ANK3: variants seen among roughly 807,000 people sequenced by gnomAD.
ANK3 encodes ankyrin-3.
ANK3 carries 57 observed loss-of-function variants against 370.9 expected under a neutral mutation model. That is an observed-to-expected ratio of 0.15 (90% CI 0.12 to 0.19). The LOEUF (loss-of-function observed/expected upper bound fraction) is 0.19. Ranked by LOEUF, ANK3 falls within the 10% of genes least tolerant of loss-of-function variation. The pLI is 1.00. For missense variants in ANK3, 4,439 were observed against 5,302.1 expected (o/e 0.84, Z 5.06); for synonymous variants, 1,929 against 1,946.3 (o/e 0.99, Z 0.23).
At chr10:60,377,027 T>C (rs1044986815) in intron 1 of ANK3, among the ~76,000 whole-genome samples, 2 of 152,250 alleles carry the variant, frequency 1.3e-5, no homozygotes, top group African/African-American at 2.4e-5. Context: ...CGGGCAGCAC[T>C]TTTAAACATC....
At chr10:60,140,045 T>C (rs2094496912) in intron 23 of ANK3, 2 of 441,072 alleles carry the variant, frequency 4.5e-6, no homozygotes, top group Non-Finnish European at 8.0e-6. Context: ...TGTTGTGTTT[T>C]CTCAAAGGTA....
intron 8 of ANK3, among the ~76,000 whole-genome samples, chr10:60,228,969 T>A (rs1159785572): frequency 6.6e-6 from 1 of 152,224 alleles, no homozygotes; most frequent in Admixed American, 6.5e-5. Context: ...TTTAGATCTC[T>A]AATTTGGCAA....
intron 2 of ANK3, among the ~76,000 whole-genome samples, chr10:60,542,071 C>T (rs550729247): frequency 2.6e-4 from 39 of 152,014 alleles, no homozygotes; most frequent in Non-Finnish European, 4.4e-4. Flanking sequence ...CATCCTCTCA[C>T]GTCCCCTCAT....
intron 2 of ANK3, among the ~76,000 whole-genome samples, chr10:60,511,840 A>G (rs1396550853): frequency 6.6e-6 from 1 of 151,812 alleles, no homozygotes; most frequent in Non-Finnish European, 1.5e-5. Flanking sequence ...TGCAGTACAC[A>G]GAATATTTTC....
intron 1 of ANK3, among the ~76,000 whole-genome samples, chr10:60,659,403 G>A (rs35181640): frequency 0.023 from 3,465 of 152,004 alleles, 58 homozygotes; most frequent in Non-Finnish European, 0.033. Flanking sequence ...TCTGCTCTGC[G>A]ACACTTTCCA....
intron 1 of ANK3, among the ~76,000 whole-genome samples, chr10:60,653,199 G>A (rs2078815563): frequency 6.6e-6 from 1 of 152,034 alleles, no homozygotes; most frequent in Non-Finnish European, 1.5e-5. Context: ...TGCTTTTTGT[G>A]TCCTGAGAAA....
intron 1 of ANK3, among the ~76,000 whole-genome samples, chr10:60,361,907 T>A (rs1394894001): frequency 1.3e-5 from 2 of 152,210 alleles, no homozygotes; most frequent in Non-Finnish European, 2.9e-5. Flanking sequence ...TGCTTTTTCT[T>A]ATTGGAAAAC....
chr10:60,423,109 A>G (rs923611326), intron 2 of ANK3, among the ~76,000 whole-genome samples: 1 of 152,002 alleles, frequency 6.6e-6, no homozygotes, highest in African/African-American at 2.4e-5. Flanking sequence ...GATAATTTTA[A>G]AAGACCCATA....
intron 25 of ANK3, among the ~76,000 whole-genome samples, chr10:60,127,267 CAGA>C (rs2093811362): frequency 6.6e-6 from 1 of 152,142 alleles, no homozygotes; most frequent in Admixed American, 6.5e-5. Flanking sequence ...TCTGAACGGC[CAGA>C]ATTGGGTCTC....
At chr10:60,521,964 G>T (rs2076358011) in intron 2 of ANK3, among the ~76,000 whole-genome samples, 1 of 152,078 alleles carries the variant, frequency 6.6e-6, no homozygotes, top group Admixed American at 6.6e-5. Context: ...AGGGATGGAG[G>T]GGAGACTAGG....
At chr10:60,713,225 C>T (rs552956078) in intron 1 of ANK3, among the ~76,000 whole-genome samples, 1 of 152,190 alleles carries the variant, frequency 6.6e-6, no homozygotes, top group Admixed American at 6.5e-5. Context: ...TATACCTTAA[C>T]AAATGTAAAC....
At chr10:60,594,628 T>G (rs1413669372) in intron 2 of ANK3, among the ~76,000 whole-genome samples, 2 of 152,110 alleles carry the variant, frequency 1.3e-5, no homozygotes, top group African/African-American at 4.8e-5. Flanking sequence ...CACGACTATA[T>G]GTGAAAAAAA....
intron 2 of ANK3, among the ~76,000 whole-genome samples, chr10:60,464,908 T>C (rs113991516): frequency 2.0e-5 from 3 of 152,262 alleles, no homozygotes; most frequent in African/African-American, 7.2e-5. Flanking sequence ...CCTTAGGCCT[T>C]CCAAAGCAAA....
At chr10:60,078,494 C>A (rs76670833) in intron 36 of ANK3, among the ~76,000 whole-genome samples, 3,475 of 152,268 alleles carry the variant, frequency 0.023, 131 homozygotes, top group African/African-American at 0.079. Flanking sequence ...CAGACACTGA[C>A]AAAGCATCTA....
chr10:60,676,509 C>G (rs1453964681), intron 1 of ANK3, among the ~76,000 whole-genome samples: 1 of 152,156 alleles, frequency 6.6e-6, no homozygotes, highest in African/African-American at 2.4e-5. Context: ...CTGAAGAATT[C>G]ATTTCTGTGT....
chr10:60,613,807 C>A (rs898068964), intron 2 of ANK3, among the ~76,000 whole-genome samples: 1 of 152,136 alleles, frequency 6.6e-6, no homozygotes, highest in Non-Finnish European at 1.5e-5. Context: ...GGTACCATGG[C>A]TCACGCCTGT....
chr10:60,175,175 C>T (rs993000463), intron 18 of ANK3, among the ~76,000 whole-genome samples: 6 of 152,214 alleles, frequency 3.9e-5, no homozygotes, highest in South Asian at 2.1e-4. Flanking sequence ...AGTCTTCCCA[C>T]AATTCTCTCC....
chr10:60,616,197 A>G (rs555497317), intron 1 of ANK3, among the ~76,000 whole-genome samples: 6 of 152,308 alleles, frequency 3.9e-5, no homozygotes, highest in Non-Finnish European at 7.4e-5. Flanking sequence ...AAAAAATAGA[A>G]GGAAATTAAC....
At chr10:60,639,675 T>C (rs2078603233) in intron 1 of ANK3, among the ~76,000 whole-genome samples, 1 of 151,874 alleles carries the variant, frequency 6.6e-6, no homozygotes, top group Non-Finnish European at 1.5e-5. Context: ...GAGCAATCCA[T>C]AGACAAACCA....
Sources: gnomAD v4.1 joint callset for allele counts (sites outside exome capture counted in the v4.1 genomes callset) on GRCh38, gnomAD v4.1.1 for gene constraint, MANE v1.5 for transcripts, NCBI Gene and HGNC (gene_info 2026-07-23, HGNC 2026-07-21) for gene names.